MCF2: variants seen among roughly 807,000 people sequenced by gnomAD.
MCF2 encodes proto-oncogene DBL.
A neutral mutation model predicts 82.5 loss-of-function variants in MCF2; 44 were observed. The ratio of observed to expected loss-of-function variants is 0.53; its 90% confidence interval spans 0.42 to 0.69. The LOEUF (loss-of-function observed/expected upper bound fraction) is 0.69. Among genes scored for constraint, MCF2 ranks in the 30% least tolerant of loss-of-function variants. MCF2 has a pLI of 0.00. For missense variants in MCF2, 623 were observed against 663.1 expected, an observed-to-expected ratio of 0.94 and a Z score of 0.66; for synonymous variants, 217 against 224.9, an observed-to-expected ratio of 0.96 and a Z score of 0.32.
chrX:139,650,096 T>G (rs1933943905), intron 2 of MCF2, among the ~76,000 whole-genome samples: 2 of 111,616 alleles, frequency 1.8e-5, no homozygotes, highest in Admixed American at 9.5e-5. Context: ...GGCTCATGCC[T>G]GTAATCACAG....
intron 19 of MCF2, among the ~76,000 whole-genome samples, chrX:139,595,623 T>C (rs1930006196): frequency 9.5e-6 from 1 of 105,033 alleles, no homozygotes. Context: ...ATATACCTAA[T>C]GCTAAATGAT....
At chrX:139,678,632 A>G (rs928165945) in intron 1 of MCF2, among the ~76,000 whole-genome samples, 1 of 112,035 alleles carries the variant, frequency 8.9e-6, no homozygotes, top group Non-Finnish European at 1.9e-5. Flanking sequence ...AATAATAAGA[A>G]AAAGACAACC....
At chrX:139,649,746 G>A (rs779102272) in intron 2 of MCF2, among the ~76,000 whole-genome samples, 6 of 111,856 alleles carry the variant, frequency 5.4e-5, no homozygotes, top group Non-Finnish European at 9.4e-5. Flanking sequence ...GCTATAGGTA[G>A]AAGCATTTTT....
intron 19 of MCF2, among the ~76,000 whole-genome samples, chrX:139,594,420 C>T (rs1314281001): frequency 9.1e-6 from 1 of 110,221 alleles, no homozygotes; most frequent in South Asian, 3.9e-4. Context: ...GAAATAATGC[C>T]GCATATCTAC....
chrX:139,700,601 G>A (rs1935473649), intron 1 of MCF2, among the ~76,000 whole-genome samples: 1 of 111,759 alleles, frequency 8.9e-6, no homozygotes, highest in Non-Finnish European at 1.9e-5. Flanking sequence ...TATAGCATTT[G>A]GGCTACATCT....
At chrX:139,604,344 C>G (rs1180238363) in intron 15 of MCF2, among the ~76,000 whole-genome samples, 1 of 109,712 alleles carries the variant, frequency 9.1e-6, no homozygotes, top group Non-Finnish European at 1.9e-5. Flanking sequence ...TAACCAAGCC[C>G]CAGATGGTTT....
intron 19 of MCF2, among the ~76,000 whole-genome samples, chrX:139,590,169 T>C (rs1569342373): frequency 1.8e-5 from 2 of 111,550 alleles, no homozygotes; most frequent in African/African-American, 3.3e-5. Context: ...ACAAATGTTA[T>C]AAATCTGAAC....
exon 2 of MCF2, chrX:139,651,768 T>A (rs1430762174): frequency 1.7e-6 from 2 of 1,157,600 alleles, no homozygotes. Context: ...ATGTCCTTTA[T>A]ACGGAGGAGC....
At chrX:139,667,236 A>G (rs1444775160) in intron 1 of MCF2, among the ~76,000 whole-genome samples, 2 of 101,721 alleles carry the variant, frequency 2.0e-5, no homozygotes, top group Non-Finnish European at 4.0e-5. Context: ...TCTGTTACCC[A>G]GATAGAACTA....
At chrX:139,669,399 G>A (rs1027086361) in intron 1 of MCF2, among the ~76,000 whole-genome samples, 4 of 112,114 alleles carry the variant, frequency 3.6e-5, no homozygotes, top group Admixed American at 9.5e-5. Context: ...TGATTAGTAC[G>A]TGGACAAATT....
At chrX:139,628,819 A>G (rs927264192) in intron 4 of MCF2, among the ~76,000 whole-genome samples, 1 of 111,573 alleles carries the variant, frequency 9.0e-6, no homozygotes, top group Non-Finnish European at 1.9e-5. Flanking sequence ...GATTATCTGA[A>G]TTGCACTTCA....
intron 1 of MCF2, among the ~76,000 whole-genome samples, chrX:139,700,860 G>C (rs1399665113): frequency 8.9e-6 from 1 of 112,096 alleles, no homozygotes; most frequent in Non-Finnish European, 1.9e-5. Flanking sequence ...TGAGGTGGGA[G>C]ATAGGCTCAC....
At chrX:139,619,997 T>TTGTGTGTGTGTGTG (rs57662065) in intron 6 of MCF2, among the ~76,000 whole-genome samples, 997 of 93,308 alleles carry the variant, frequency 0.011, 2 homozygotes, top group Non-Finnish European at 0.017. Context: ...ATATATACAT[T>TTGTGTGTGTGTGTG]TGTGTGTGTG....
chrX:139,692,210 G>T, intron 1 of MCF2: 1 of 765,335 alleles, frequency 1.3e-6, no homozygotes, highest in Non-Finnish European at 1.9e-6. Context: ...GGGCAGGGCC[G>T]CTACTCCAGC....
chrX:139,692,085 G>A, intron 1 of MCF2: 14 of 1,164,582 alleles, frequency 1.2e-5, no homozygotes, highest in Non-Finnish European at 1.6e-5. Flanking sequence ...CCTGCCGCAG[G>A]ACACTGAGGT....
intron 1 of MCF2, among the ~76,000 whole-genome samples, chrX:139,656,302 T>C (rs989616017): frequency 1.8e-4 from 20 of 111,610 alleles, no homozygotes; most frequent in African/African-American, 5.2e-4. Flanking sequence ...GACCTCGTGA[T>C]CCGCCCGCCT....
intron 6 of MCF2, among the ~76,000 whole-genome samples, chrX:139,625,220 G>A (rs1309883428): frequency 1.8e-5 from 2 of 111,007 alleles, no homozygotes. Context: ...CATAACCACA[G>A]GACAAGAATT....
intron 1 of MCF2, among the ~76,000 whole-genome samples, chrX:139,687,586 G>A (rs1935157013): frequency 8.9e-6 from 1 of 112,580 alleles, no homozygotes; most frequent in Non-Finnish European, 1.9e-5. Context: ...AAACCTGGGG[G>A]CAAATTTTAA....
In MCF2 at chrX:139,617,716, A is replaced by G; in HGVS notation, c.808-12T>C. 1 of 1,068,621 alleles carries G rather than the reference A, an allele frequency of 9.4e-7. No individual in the cohort carries two copies. Among genetic ancestry groups the G allele is most frequent in the Non-Finnish European group, 1.3e-6 (1 of 798,736 alleles). The allele number at this position is 1,068,621 out of a possible 1,213,427, so 88.1% of individuals were successfully genotyped here. A position where few individuals can be genotyped will look rare whatever the true frequency, so the allele number is the denominator to read the frequency against. Reference sequence around the variant, plus strand: ...TTTGATAATAGCTCCTGATTATAACAAAGACAAAAAATAATGAATACATGA... The same window carrying G: ...TTTGATAATAGCTCCTGATTATAACGAAGACAAAAAATAATGAATACATGA... On this transcript the variant is annotated splice_polypyrimidine_tract_variant and intron_variant, in intron 7 of 24. Coordinates refer to ENST00000370576, the Ensembl canonical transcript of MCF2.
Sources: allele counts gnomAD v4.1 joint callset (sites outside exome capture counted in the v4.1 genomes callset), GRCh38; gene constraint gnomAD v4.1.1; transcripts MANE v1.5; gene names NCBI Gene and HGNC (gene_info 2026-07-23, HGNC 2026-07-21).